Variants in AGBL4 observed in about 807,000 individuals in gnomAD.
The protein encoded by AGBL4 is cytosolic carboxypeptidase 6.
Under a neutral mutation model 66.4 loss-of-function variants are expected in AGBL4, and 58 were observed. That is an observed-to-expected ratio of 0.87 (90% CI 0.71 to 1.09). The LOEUF is 1.09. Among genes scored for constraint, AGBL4 ranks in the 50% least tolerant of loss-of-function variants. The pLI is 0.00. For synonymous variants in AGBL4, 234 were observed against 222.9 expected, an observed-to-expected ratio of 1.05 and a Z score of -0.44; for missense variants, 579 against 631.0, an observed-to-expected ratio of 0.92 and a Z score of 0.88.
intron 1 of AGBL4, among the ~76,000 whole-genome samples, chr1:49,908,480 T>C (rs1177813920): frequency 2.6e-5 from 4 of 152,210 alleles, no homozygotes; most frequent in Non-Finnish European, 5.9e-5. Flanking sequence ...TGCTCCCACT[T>C]TGCCTTCTGC....
intron 3 of AGBL4, among the ~76,000 whole-genome samples, chr1:49,589,653 G>T (rs1644716582): frequency 6.6e-6 from 1 of 152,102 alleles, no homozygotes; most frequent in Admixed American, 6.6e-5. Flanking sequence ...AATTGCATGA[G>T]ATTGGAAAAT....
chr1:49,472,515 G>C (rs1274556087), intron 3 of AGBL4, among the ~76,000 whole-genome samples: 2 of 151,976 alleles, frequency 1.3e-5, no homozygotes, highest in Non-Finnish European at 2.9e-5. Flanking sequence ...AGCTCCTGTA[G>C]AAAACAGTAT....
At chr1:49,608,460 C>T (rs575909865) in intron 3 of AGBL4, among the ~76,000 whole-genome samples, 58 of 152,246 alleles carry the variant, frequency 3.8e-4, no homozygotes, top group Non-Finnish European at 1.5e-4. Context: ...ATTTCAACCT[C>T]CACTGGAGAA....
chr1:48,964,907 G>GA (rs1658295648), intron 5 of AGBL4, among the ~76,000 whole-genome samples: 1 of 151,894 alleles, frequency 6.6e-6, no homozygotes, highest in African/African-American at 2.4e-5. Flanking sequence ...CAGAGAGGAT[G>GA]AAAAAAAATC....
chr1:49,695,141 G>T (rs574917685), intron 3 of AGBL4, among the ~76,000 whole-genome samples: 2 of 152,008 alleles, frequency 1.3e-5, no homozygotes, highest in Non-Finnish European at 2.9e-5. Flanking sequence ...GAAAAAAAAA[G>T]AGGAAAAGAA....
At chr1:49,945,754 A>T (rs1463640782) in intron 1 of AGBL4, among the ~76,000 whole-genome samples, 2 of 152,138 alleles carry the variant, frequency 1.3e-5, no homozygotes, top group African/African-American at 4.8e-5. Flanking sequence ...TGCTTCACTT[A>T]AAAGATACAG....
chr1:49,633,309 G>A (rs532284322), intron 3 of AGBL4, among the ~76,000 whole-genome samples: 1 of 152,166 alleles, frequency 6.6e-6, no homozygotes, highest in South Asian at 2.1e-4. Context: ...TCATTAGCCT[G>A]CAAAAGCCAA....
chr1:48,624,614 G>T (rs1430539253), intron 9 of AGBL4, among the ~76,000 whole-genome samples: 2 of 152,176 alleles, frequency 1.3e-5, no homozygotes, highest in South Asian at 2.1e-4. Flanking sequence ...CTGCTCAAGA[G>T]GTTCTCACTG....
intron 1 of AGBL4, among the ~76,000 whole-genome samples, chr1:49,983,684 C>T (rs1230564947): frequency 6.6e-6 from 1 of 152,262 alleles, no homozygotes. Context: ...TTAATCAGTA[C>T]TTTGAATACA....
At chr1:49,207,735 C>T (rs1648353999) in intron 4 of AGBL4, among the ~76,000 whole-genome samples, 1 of 150,934 alleles carries the variant, frequency 6.6e-6, no homozygotes, top group Admixed American at 6.6e-5. Flanking sequence ...GATATTATAG[C>T]ACATACCACC....
chr1:49,508,179 G>A (rs1340835245), intron 3 of AGBL4, among the ~76,000 whole-genome samples: 1 of 151,904 alleles, frequency 6.6e-6, no homozygotes, highest in South Asian at 2.1e-4. Flanking sequence ...GTAAAGTTAA[G>A]TTAGAGCATC....
chr1:49,649,304 T>G (rs1438391193), intron 3 of AGBL4, among the ~76,000 whole-genome samples: 1 of 152,132 alleles, frequency 6.6e-6, no homozygotes, highest in Non-Finnish European at 1.5e-5. Context: ...TGCCAATTTC[T>G]AAAAATAAGA....
At chr1:49,004,682 G>A (rs957794902) in intron 5 of AGBL4, among the ~76,000 whole-genome samples, 24 of 152,316 alleles carry the variant, frequency 1.6e-4, no homozygotes, top group African/African-American at 5.8e-4. Context: ...ACAAAGCACT[G>A]AGAGAAACAG....
At chr1:49,629,256 T>C (rs187937963) in intron 3 of AGBL4, among the ~76,000 whole-genome samples, 110 of 152,346 alleles carry the variant, frequency 7.2e-4, no homozygotes, top group African/African-American at 2.6e-3. Flanking sequence ...ATATTTACTA[T>C]CTGGTCCTTT....
chr1:48,832,923 A>G (rs1646589973), intron 6 of AGBL4, among the ~76,000 whole-genome samples: 1 of 152,206 alleles, frequency 6.6e-6, no homozygotes, highest in Non-Finnish European at 1.5e-5. Context: ...AATTTACACC[A>G]TCAGTTCTGG....
intron 1 of AGBL4, among the ~76,000 whole-genome samples, chr1:49,985,685 T>G (rs1238696884): frequency 6.6e-6 from 1 of 152,196 alleles, no homozygotes; most frequent in Non-Finnish European, 1.5e-5. Flanking sequence ...CATAAAAAAT[T>G]ACTTGTTTGA....
At chr1:49,583,782 C>T (rs1349338730) in intron 3 of AGBL4, among the ~76,000 whole-genome samples, 2 of 152,164 alleles carry the variant, frequency 1.3e-5, no homozygotes, top group Non-Finnish European at 2.9e-5. Flanking sequence ...GGGTTCCCCT[C>T]AGTAAACGTC....
chr1:48,973,273 T>A (rs1659057593), intron 5 of AGBL4, among the ~76,000 whole-genome samples: 3 of 152,298 alleles, frequency 2.0e-5, no homozygotes, highest in South Asian at 4.1e-4. Context: ...AATAAAGTTA[T>A]CTTTATAATA....
At chr1:48,588,194 C>T (rs150056813) in intron 10 of AGBL4, among the ~76,000 whole-genome samples, 28 of 152,300 alleles carry the variant, frequency 1.8e-4, no homozygotes, top group Non-Finnish European at 3.1e-4. Context: ...TGACTCCAGA[C>T]AACCAAAGAA....
Sources: allele counts gnomAD v4.1 joint callset (sites outside exome capture counted in the v4.1 genomes callset), GRCh38; gene constraint gnomAD v4.1.1; transcripts MANE v1.5; gene names NCBI Gene and HGNC (gene_info 2026-07-23, HGNC 2026-07-21).